The following BMP6 variants were observed in gnomAD, a reference collection of about 807,000 sequenced individuals.
BMP6 encodes bone morphogenetic protein 6, also known as VG-1-R.
A neutral mutation model predicts 54.1 loss-of-function variants in BMP6; 17 were observed. The observed-to-expected ratio is 0.31, with a 90% CI of 0.22 to 0.47. The LOEUF (loss-of-function observed/expected upper bound fraction) is 0.47, where lower values mean the gene tolerates loss of function less well. Among genes scored for constraint, BMP6 ranks in the 20% least tolerant of loss-of-function variants. BMP6 has a pLI of 1.00. For synonymous variants in BMP6, 328 were observed against 291.2 expected (o/e 1.13, Z -1.28); for missense variants, 720 against 690.4 (o/e 1.04, Z -0.48).
intron 1 of BMP6, among the ~76,000 whole-genome samples, chr6:7,774,375 C>T (rs1757832970): frequency 6.6e-6 from 1 of 152,216 alleles, no homozygotes; most frequent in Admixed American, 6.5e-5. Context: ...CATGTCGAAG[C>T]CCCGTCTCTA....
intron 2 of BMP6, 95 bp from the exon 3 acceptor site, chr6:7,861,356 C>G: frequency 6.7e-7 from 1 of 1,490,952 alleles, no homozygotes; most frequent in Admixed American, 1.8e-5. Context: ...TGTGATCTGA[C>G]TCGGGCATGT....
At chr6:7,842,288 A>C (rs1207291293) in intron 1 of BMP6, among the ~76,000 whole-genome samples, 1 of 152,110 alleles carries the variant, frequency 6.6e-6, no homozygotes, top group African/African-American at 2.4e-5. Flanking sequence ...GAGTCATGCA[A>C]AGGACATCCA....
At chr6:7,798,715 C>T (rs972537584) in intron 1 of BMP6, among the ~76,000 whole-genome samples, 4 of 152,190 alleles carry the variant, frequency 2.6e-5, no homozygotes, top group Non-Finnish European at 5.9e-5. Flanking sequence ...GACAGACCTC[C>T]ACCTGTTGAG....
chr6:7,762,442 C>G (rs1757627637), intron 1 of BMP6, among the ~76,000 whole-genome samples: 1 of 152,196 alleles, frequency 6.6e-6, no homozygotes, highest in Non-Finnish European at 1.5e-5. Flanking sequence ...GTCCTGGGCA[C>G]TGACTTTTGC....
At chr6:7,736,960 G>A (rs1430689977) in intron 1 of BMP6, among the ~76,000 whole-genome samples, 2 of 152,142 alleles carry the variant, frequency 1.3e-5, no homozygotes, top group Non-Finnish European at 2.9e-5. Context: ...GGCCGAGGAC[G>A]GTGGATCACT....
intron 1 of BMP6, among the ~76,000 whole-genome samples, chr6:7,832,915 G>A (rs1278303628): frequency 6.6e-6 from 1 of 151,634 alleles, no homozygotes; most frequent in Non-Finnish European, 1.5e-5. Context: ...ACCTTCAAAG[G>A]TAGAGTTTAA....
At chr6:7,874,255 C>T (rs970647529) in intron 4 of BMP6, among the ~76,000 whole-genome samples, 1 of 152,208 alleles carries the variant, frequency 6.6e-6, no homozygotes, top group Non-Finnish European at 1.5e-5. Context: ...TGGGAAATGT[C>T]ATCTGGCTGT....
intron 1 of BMP6, among the ~76,000 whole-genome samples, chr6:7,759,546 C>G (rs896253142): frequency 2.6e-5 from 4 of 151,874 alleles, no homozygotes; most frequent in African/African-American, 9.7e-5. Flanking sequence ...CTCTTTAAGG[C>G]CCTTATAACC....
chr6:7,853,782 A>G (rs1017294673), intron 2 of BMP6, among the ~76,000 whole-genome samples: 8 of 152,016 alleles, frequency 5.3e-5, no homozygotes, highest in African/African-American at 1.7e-4. Flanking sequence ...GCTTTTCAGT[A>G]TTTGTTCCTT....
chr6:7,856,418 A>T (rs969957947), intron 2 of BMP6, among the ~76,000 whole-genome samples: 1 of 151,998 alleles, frequency 6.6e-6, no homozygotes, highest in African/African-American at 2.4e-5. Context: ...TTATTGCAGA[A>T]AGTCAGTTCC....
intron 4 of BMP6, among the ~76,000 whole-genome samples, chr6:7,866,815 T>C (rs1759431337): frequency 6.6e-6 from 1 of 152,252 alleles, no homozygotes; most frequent in Non-Finnish European, 1.5e-5. Flanking sequence ...CTTGAGACAC[T>C]GTCTGTCCTT....
In BMP6 at chr6:7,780,086, C is replaced by T. The variant is rs115802185; in HGVS notation, c.664+52467C>T. Among the ~76,000 whole-genome samples, 371 of 152,310 alleles carry T rather than the reference C, an allele frequency of 2.4e-3. 2 individuals carry two copies. The highest frequency in any genetic ancestry group is 8.5e-3 in the African/African-American group (353 of 41,554). The stretch of plus-strand genomic sequence containing the variant: ...GATAGCACACACACTCATTTATTTC[C>T]GTGCTTCCCTCACTTCACTGTAGTG... On this transcript the variant is annotated intron_variant, in intron 1 of 6. Coordinates refer to ENST00000283147, the MANE Select transcript of BMP6 (RefSeq NM_001718.6).
At chr6:7,808,860 G>A (rs926190056) in intron 1 of BMP6, among the ~76,000 whole-genome samples, 2 of 144,914 alleles carry the variant, frequency 1.4e-5, no homozygotes, top group Non-Finnish European at 3.0e-5. Flanking sequence ...GCTGCATTGA[G>A]CTATGATAGT....
chr6:7,763,833 C>T (rs981680862), intron 1 of BMP6, among the ~76,000 whole-genome samples: 1 of 152,176 alleles, frequency 6.6e-6, no homozygotes, highest in South Asian at 2.1e-4. Context: ...CCATGGTGAC[C>T]TTCTCTCTGC....
In BMP6 at chr6:7,735,527, G is replaced by A. The variant is rs150518758; in HGVS notation, c.664+7908G>A. Among the ~76,000 whole-genome samples the A allele has an allele frequency of 2.4e-3, 359 of 152,172 alleles. 2 individuals carry two copies. Among genetic ancestry groups the A allele is most frequent in the African/African-American group, 8.1e-3 (337 of 41,520 alleles). On this transcript the variant is annotated intron_variant, in intron 1 of 6. Coordinates refer to ENST00000283147, the MANE Select transcript of BMP6 (RefSeq NM_001718.6). ...TTTGATTTTTATTCAGATTTTATTT[G>A]TAGACTCCCATATCGGAATAAGTTA...
rs566184777 is a variant in BMP6 at position 7,746,734 on chromosome 6, G to C, written c.664+19115G>C. Among the ~76,000 whole-genome samples the C allele has an allele frequency of 2.0e-5, 3 of 152,310 alleles. No homozygotes were observed. The East Asian group carries it at 5.8e-4, about 29-fold the overall frequency. On this transcript the variant is annotated intron_variant, in intron 1 of 6. Coordinates refer to ENST00000283147, the MANE Select transcript of BMP6 (RefSeq NM_001718.6). ...TCCTTACAATTAAAAACACACCTTT[G>C]TGAGCTGGTTGCTTAGAATTAGGAG...
chr6:7,862,430 G>A lies in BMP6; in HGVS notation c.1136G>A (p.Arg379Gln), dbSNP rs1232632844. Residue 379 changes from arginine to glutamine, a missense_variant, in exon 4 of 7, where the codon CGG (arginine) becomes CAG (glutamine). Around this residue, in one of 3 missense-constraint regions of BMP6, gnomAD observed 650 missense variants for 556.3 expected, o/e 1.17. Coordinates refer to ENST00000283147, the MANE Select transcript of BMP6 (RefSeq NM_001718.6). ...CGCACCACCAGGTCAGCCTCCAGCC[G>A]GCGCCGACAACAGAGTCGTAATCGC... The part of the protein sequence containing the change: ...HVRTTRSASS[R>Q]RRQQSRNRST... 1.2e-6 allele frequency: 2 copies of A among 1,614,052 alleles called. No homozygotes were observed. Among genetic ancestry groups the A allele is most frequent in the Non-Finnish European group, 1.7e-6 (2 of 1,180,048 alleles).
At chr6:7,789,190 A>G (rs1268433286) in intron 1 of BMP6, among the ~76,000 whole-genome samples, 2 of 152,188 alleles carry the variant, frequency 1.3e-5, no homozygotes, top group Non-Finnish European at 2.9e-5. Flanking sequence ...CCCTAGCCCT[A>G]CGTCTCCCCA....
chr6:7,787,368 A>G (rs948114681), intron 1 of BMP6, among the ~76,000 whole-genome samples: 1 of 152,236 alleles, frequency 6.6e-6, no homozygotes, highest in Non-Finnish European at 1.5e-5. Context: ...GGTGCTGCAA[A>G]GCCAAGAGAG....
Sources: allele counts gnomAD v4.1 joint callset (sites outside exome capture counted in the v4.1 genomes callset), GRCh38; gene constraint gnomAD v4.1.1; regional missense constraint gnomAD v4.1.1; transcripts MANE v1.5; gene names NCBI Gene and HGNC (gene_info 2026-07-23, HGNC 2026-07-21).